Variants in PCDH9 observed in about 807,000 individuals in gnomAD.
The protein encoded by PCDH9 is protocadherin-9.
PCDH9 carries 24 observed loss-of-function variants against 70.6 expected under a neutral mutation model. The ratio of observed to expected loss-of-function variants is 0.34; its 90% CI spans 0.25 to 0.48. PCDH9 has a LOEUF of 0.48. Ranked by LOEUF, PCDH9 falls within the 20% of genes least tolerant of loss-of-function variation. The probability of loss-of-function intolerance (pLI) is 0.99; values close to 1 mark genes in which losing one functional copy is unlikely to be tolerated. For missense variants in PCDH9, 1,281 were observed against 1,503.6 expected (o/e 0.85, Z 2.45); for synonymous variants, 562 against 558.5 (o/e 1.01, Z -0.09).
intron 2 of PCDH9, among the ~76,000 whole-genome samples, chr13:67,009,777 G>T (rs1037022906): frequency 6.6e-6 from 1 of 151,534 alleles, no homozygotes; most frequent in African/African-American, 2.4e-5. Flanking sequence ...AAAATACTTC[G>T]CATTTAGTTA....
chr13:66,723,026 C>A lies in PCDH9; in HGVS notation c.3139-91615G>T, dbSNP rs73200947. Among the ~76,000 whole-genome samples, 1,149 of 150,714 alleles carry A rather than the reference C, an allele frequency of 7.6e-3. 10 individuals carry two copies. Among genetic ancestry groups the A allele is most frequent in the Non-Finnish European group, 0.013 (858 of 67,764 alleles). On this transcript the variant is annotated intron_variant, in intron 3 of 4. Coordinates refer to ENST00000377865, the MANE Select transcript of PCDH9 (RefSeq NM_203487.3). ...TGAAAAGACTTTTAATTGTGACATG[C>A]AAATTCCTAATTTCTGCTCCTGTGT...
chr13:66,399,221 A>G (rs1415621265), intron 4 of PCDH9, among the ~76,000 whole-genome samples: 1 of 152,132 alleles, frequency 6.6e-6, no homozygotes, highest in Non-Finnish European at 1.5e-5. Flanking sequence ...TTCTCTCCTG[A>G]GTAATTAGCC....
intron 3 of PCDH9, among the ~76,000 whole-genome samples, chr13:66,835,261 C>T (rs1034416140): frequency 2.0e-5 from 3 of 152,302 alleles, no homozygotes; most frequent in Admixed American, 6.5e-5. Context: ...CCAGAACTCC[C>T]GCACACCCGG....
chr13:66,991,571 A>G (rs2084003671), intron 2 of PCDH9, among the ~76,000 whole-genome samples: 1 of 152,072 alleles, frequency 6.6e-6, no homozygotes, highest in Non-Finnish European at 1.5e-5. Context: ...GTTTTCTTCA[A>G]ATTTGACTTA....
intron 2 of PCDH9, among the ~76,000 whole-genome samples, chr13:66,911,775 A>T (rs567616981): frequency 6.6e-6 from 1 of 152,282 alleles, no homozygotes; most frequent in South Asian, 2.1e-4. Flanking sequence ...AGCTTTGCAC[A>T]TTGCAACTTA....
chr13:66,357,075 G>T (rs1050900092), intron 4 of PCDH9, among the ~76,000 whole-genome samples: 12 of 151,992 alleles, frequency 7.9e-5, no homozygotes, highest in African/African-American at 2.9e-4. Context: ...GGAACTTGCA[G>T]CTTCTGGAAG....
intron 3 of PCDH9, among the ~76,000 whole-genome samples, chr13:66,820,677 A>G (rs1566216367): frequency 2.0e-5 from 3 of 152,182 alleles, no homozygotes; most frequent in Admixed American, 1.3e-4. Flanking sequence ...CATAAAAAAG[A>G]ATGGGATCAT....
At chr13:66,405,423 C>T (rs1210006319) in intron 4 of PCDH9, among the ~76,000 whole-genome samples, 3 of 152,184 alleles carry the variant, frequency 2.0e-5, no homozygotes, top group Admixed American at 2.0e-4. Context: ...TTTTTCATAG[C>T]ACATTTCCTT....
At chr13:66,476,289 C>T (rs1958726673) in intron 4 of PCDH9, among the ~76,000 whole-genome samples, 1 of 123,200 alleles carries the variant, frequency 8.1e-6, no homozygotes, top group African/African-American at 3.1e-5. Context: ...AGGCTCCTCC[C>T]TCAACAGGAA....
chr13:66,938,155 C>T (rs2139677393), intron 2 of PCDH9, among the ~76,000 whole-genome samples: 1 of 152,262 alleles, frequency 6.6e-6, no homozygotes, highest in African/African-American at 2.4e-5. Flanking sequence ...CTGGCCTTAA[C>T]TCCCACAGAT....
intron 4 of PCDH9, among the ~76,000 whole-genome samples, chr13:66,383,025 C>G (rs1278433946): frequency 1.6e-5 from 1 of 60,808 alleles, no homozygotes; most frequent in Non-Finnish European, 3.1e-5. Flanking sequence ...GAGACTTTGT[C>G]TCAAAACAAA....
At chr13:66,734,562 A>G (rs2079120483) in intron 3 of PCDH9, among the ~76,000 whole-genome samples, 1 of 152,124 alleles carries the variant, frequency 6.6e-6, no homozygotes, top group East Asian at 1.9e-4. Context: ...AATTTGGCTA[A>G]CTCTGGGTAA....
At chr13:66,768,130 C>G (rs2079748202) in intron 3 of PCDH9, among the ~76,000 whole-genome samples, 1 of 151,994 alleles carries the variant, frequency 6.6e-6, no homozygotes, top group African/African-American at 2.4e-5. Flanking sequence ...TTATTGGTAT[C>G]TGTATGTGGT....
At chr13:67,025,338 C>T (rs1433240608) in intron 2 of PCDH9, among the ~76,000 whole-genome samples, 2 of 152,072 alleles carry the variant, frequency 1.3e-5, no homozygotes, top group African/African-American at 4.8e-5. Context: ...ATTTCAAATG[C>T]AATTTGTGAA....
chr13:67,188,240 C>A (rs1297286575), intron 2 of PCDH9, among the ~76,000 whole-genome samples: 2 of 152,114 alleles, frequency 1.3e-5, no homozygotes, highest in Non-Finnish European at 2.9e-5. Flanking sequence ...GCTTACCTTG[C>A]TATGTCAGCA....
chr13:67,083,240 T>C (rs2086022680), intron 2 of PCDH9, among the ~76,000 whole-genome samples: 1 of 152,140 alleles, frequency 6.6e-6, no homozygotes, highest in African/African-American at 2.4e-5. Flanking sequence ...TTGAATTCAA[T>C]TTTATAGAGT....
intron 4 of PCDH9, among the ~76,000 whole-genome samples, chr13:66,396,653 T>G (rs1393689161): frequency 1.3e-5 from 2 of 152,130 alleles, no homozygotes; most frequent in African/African-American, 2.4e-5. Context: ...CAGTGGGACA[T>G]GGGATATAGT....
In PCDH9 at chr13:66,591,805, GA is replaced by G. The variant is rs1231786215; in HGVS notation, c.3340+39404del. Among the ~76,000 whole-genome samples the G allele has an allele frequency of 1.1e-4, 16 of 151,632 alleles. No homozygotes were observed. In the South Asian group the frequency reaches 1.5e-3, roughly 14 times the overall value. Reference sequence around the variant, plus strand: ...CTTAATATAAAGTGTTGCAGGTTGGGAGGGGGGGCTCATTCTGCAAGGAAAA... The same window carrying G: ...CTTAATATAAAGTGTTGCAGGTTGGGGGGGGGGCTCATTCTGCAAGGAAAA... On this transcript the variant is annotated intron_variant, in intron 4 of 4. Transcript: ENST00000377865.
At chr13:66,429,692 C>T (rs911597371) in intron 4 of PCDH9, among the ~76,000 whole-genome samples, 1 of 151,492 alleles carries the variant, frequency 6.6e-6, no homozygotes, top group Non-Finnish European at 1.5e-5. Flanking sequence ...CAGAACAATG[C>T]CCTGCAGCTA....
Sources: gnomAD v4.1 joint callset for allele counts (sites outside exome capture counted in the v4.1 genomes callset) on GRCh38, gnomAD v4.1.1 for gene constraint, MANE v1.5 for transcripts, NCBI Gene and HGNC (gene_info 2026-07-23, HGNC 2026-07-21) for gene names.